MATR3: variants seen among roughly 807,000 people sequenced by gnomAD.
MATR3 encodes matrin-3.
A neutral mutation model predicts 85.5 loss-of-function variants in MATR3; 4 were observed. The observed-to-expected ratio is 0.05, with a 90% CI of 0.02 to 0.11. MATR3 has a LOEUF of 0.11. Among genes scored for constraint, MATR3 ranks in the 10% least tolerant of loss-of-function variants. The pLI is 1.00. For synonymous variants in MATR3, 336 were observed against 343.1 expected (o/e 0.98, Z 0.23); for missense variants, 685 against 1,016.1 (o/e 0.67, Z 4.43).
rs182801717 is a variant in MATR3 at position 139,319,649 on chromosome 5, A to G, written c.1602+148A>G. On this transcript the variant is annotated intron_variant, in intron 9 of 14. Transcript: ENST00000394805. ...AATCACCTGAGGTCAGGAGTTCGAG[A>G]CCAGCCTGGCCAGCATGGTGAAATC... is the stretch of plus-strand genomic sequence containing the variant. 4.2e-4 allele frequency: 273 copies of G among 657,828 alleles called. 2 individuals carry two copies. Among genetic ancestry groups the G allele is most frequent in the Middle Eastern group, 3.8e-3 (9 of 2,362 alleles). The allele number at this position is 657,828 out of a possible 1,614,324, so 40.7% of individuals were successfully genotyped here.
intron 6 of MATR3, 39 bp downstream of exon 6, chr5:139,317,144 T>G: frequency 7.5e-6 from 12 of 1,590,198 alleles, no homozygotes; most frequent in Non-Finnish European, 1.0e-5. Context: ...TATTTATGAT[T>G]TTTGGGAATA....
chr5:139,325,617 C>G lies in MATR3; in HGVS notation c.2326C>G (p.Pro776Ala). ...TGAGAACAAGGACGACTATACAATC[C>G]CAGATGAGTATAGAATTGGACCATA... ...SDENKDDYTI[P>A]DEYRIGPYQP... is the part of the protein sequence containing the mutation. Residue 776 changes from proline (P) to alanine (A), a missense_variant, in exon 13 of 15, where the codon CCA becomes GCA. Pro to Ala is a conservative substitution (Grantham distance 27, BLOSUM62 -1). Coordinates refer to ENST00000394805, the MANE Select transcript of MATR3 (RefSeq NM_018834.6). The G allele has an allele frequency of 6.2e-7, 1 of 1,614,110 alleles. No individual in the cohort carries two copies. The highest frequency in any genetic ancestry group is 1.1e-5 in the South Asian group (1 of 91,070).
intron 1 of MATR3, among the ~76,000 whole-genome samples, chr5:139,297,811 A>G (rs1306056868): frequency 6.6e-6 from 1 of 152,210 alleles, no homozygotes; most frequent in Non-Finnish European, 1.5e-5. Context: ...AAAAATTTTA[A>G]AGCTATTCCA....
Position 139,319,385 on chromosome 5 carries a change from C to T in MATR3, c.1486C>T (p.Arg496Cys), listed in dbSNP as rs1321872002. ...GTTTGATCAAAAGCAAGAGCTTGGA[C>T]GTGTGATACATCTCAGCAATTTGCC... ...QKFDQKQELG[R>C]VIHLSNLPHS... The change falls in exon 9 of 15, where the codon CGT becomes TGT. Residue 496 changes from arginine to cysteine, a missense_variant. Around this residue, in one of 9 missense-constraint regions of MATR3, gnomAD observed 30 missense variants for 23.9 expected, o/e 1.25. Transcript: ENST00000394805. The T allele has an allele frequency of 1.6e-5, 26 of 1,613,960 alleles. No individual in the cohort carries two copies. The highest frequency in any genetic ancestry group is 2.2e-5 in the South Asian group (2 of 91,086).
chr5:139,301,066 C>T (rs971962850), intron 1 of MATR3, among the ~76,000 whole-genome samples: 1 of 152,146 alleles, frequency 6.6e-6, no homozygotes, highest in Admixed American at 6.5e-5. Flanking sequence ...TCTCCCACCT[C>T]AGCTTCCCAA....
upstream of MATR3, chr5:139,291,938 CTTTTTTTTTTTTTTTT>C (rs10572568): frequency 2.5e-5 from 2 of 79,796 alleles, no homozygotes; most frequent in African/African-American, 4.6e-5. Flanking sequence ...ATTACATAAC[CTTTTTTTTTTTTTTTT>C]TTTTTTTTTT....
intron 2 of MATR3, chr5:139,309,994 TA>T (rs1449340700): frequency 6.6e-6 from 1 of 152,160 alleles, no homozygotes; most frequent in Admixed American, 6.5e-5. Flanking sequence ...TGAAGGGACT[TA>T]AAAAATCTTC....
At chr5:139,291,532 AGAT>A (rs551564845), upstream of MATR3, among the ~76,000 whole-genome samples, 7 of 152,274 alleles carry the variant, frequency 4.6e-5, no homozygotes, top group South Asian at 1.0e-3. Flanking sequence ...CCCTGTCTTG[AGAT>A]GGTAACTTCA....
chr5:139,299,170 TGA>T (rs1022664779), intron 1 of MATR3, among the ~76,000 whole-genome samples: 2 of 152,202 alleles, frequency 1.3e-5, no homozygotes, highest in Non-Finnish European at 2.9e-5. Context: ...ATACATTGAA[TGA>T]TTAAAAGGGG....
chr5:139,295,243 T>G (rs1211492237), intron 1 of MATR3, among the ~76,000 whole-genome samples: 1 of 152,204 alleles, frequency 6.6e-6, no homozygotes, highest in Non-Finnish European at 1.5e-5. Context: ...GTTTTAAAAA[T>G]CAAGAAAGGC....
chr5:139,274,358 C>G (rs1753186406), intron 1 of MATR3: 1 of 330,456 alleles, frequency 3.0e-6, no homozygotes, highest in Admixed American at 4.0e-5. Flanking sequence ...TCCCTCTTCT[C>G]CCTAGGGAGT....
chr5:139,290,605 A>T (rs1365258806), upstream of MATR3, among the ~76,000 whole-genome samples: 2 of 150,736 alleles, frequency 1.3e-5, no homozygotes, highest in Non-Finnish European at 3.0e-5. Flanking sequence ...GTATGCCACC[A>T]CGCCTGGGTA....
chr5:139,300,913 A>T (rs1343892032), intron 1 of MATR3, among the ~76,000 whole-genome samples: 1 of 152,146 alleles, frequency 6.6e-6, no homozygotes, highest in African/African-American at 2.4e-5. Flanking sequence ...TTCTGGGTTC[A>T]AGTGATTCTC....
intron 1 of MATR3, among the ~76,000 whole-genome samples, chr5:139,301,344 G>C (rs951623807): frequency 2.0e-5 from 3 of 149,674 alleles, no homozygotes; most frequent in Non-Finnish European, 4.4e-5. Flanking sequence ...ATTTGAGACA[G>C]AGTCTCACTC....
chr5:139,313,052 T>C (rs1755071158), intron 2 of MATR3: 1 of 147,506 alleles, frequency 6.8e-6, no homozygotes, highest in Non-Finnish European at 1.5e-5. Flanking sequence ...TTTTAGGAGC[T>C]CATTTATAAA....
At chr5:139,294,117 A>G in intron 1 of MATR3, 1 of 1,181,044 alleles carries the variant, frequency 8.5e-7, no homozygotes, top group South Asian at 3.1e-5. Context: ...TGACCGGCCG[A>G]GCTTCCTGCG....
intron 3 of MATR3, chr5:139,315,452 A>C: frequency 2.3e-6 from 1 of 439,722 alleles, no homozygotes; most frequent in South Asian, 2.9e-5. Flanking sequence ...AATAGAGGAA[A>C]AACTTAATTT....
Position 139,308,006 on chromosome 5 carries a change from C to T in MATR3, c.591C>T (p.Asn197=). 1 of 1,614,140 alleles carries T rather than the reference C, an allele frequency of 6.2e-7. No homozygotes were observed. The highest frequency in any genetic ancestry group is 8.5e-7 in the Non-Finnish European group (1 of 1,180,028). Residue 197 remains asparagine (N), a synonymous_variant, in exon 2 of 15, where the codon AAC becomes AAT. Transcript: ENST00000394805. ...DSFDDRGPSL[N]PVLDYDHGSR... is the part of the protein sequence containing the mutation. ...TTGATGATCGTGGTCCTAGTCTCAA[C>T]CCAGTGCTTGATTATGACCATGGAA...
intron 12 of MATR3, among the ~76,000 whole-genome samples, chr5:139,324,192 A>C (rs1364520330): frequency 7.2e-5 from 11 of 152,074 alleles, no homozygotes; most frequent in African/African-American, 2.2e-4. Flanking sequence ...TCCATAAATG[A>C]GGAAAATTGA....
Sources: allele counts gnomAD v4.1 joint callset (sites outside exome capture counted in the v4.1 genomes callset), GRCh38; gene constraint gnomAD v4.1.1; regional missense constraint gnomAD v4.1.1; transcripts MANE v1.5; gene names NCBI Gene and HGNC (gene_info 2026-07-23, HGNC 2026-07-21).